Variants in MYO5C observed in about 807,000 individuals in gnomAD.
MYO5C encodes the protein unconventional myosin-Vc.
In MYO5C, 194 loss-of-function variants were observed where a neutral mutation model predicts 235.7. That is an observed-to-expected ratio of 0.82 (90% CI 0.73 to 0.93). The LOEUF is 0.93. Ranked by LOEUF, MYO5C falls within the 40% of genes least tolerant of loss-of-function variation. MYO5C has a pLI of 0.00. For missense variants in MYO5C, 2,038 were observed against 2,127.2 expected (o/e 0.96, Z 0.82); for synonymous variants, 707 against 754.8 (o/e 0.94, Z 1.04).
At position 52,237,605 on chromosome 15, in the gene MYO5C, C is replaced by G. The variant is rs1345583889; in HGVS notation, c.2745G>C (p.Leu915=). Residue 915 remains leucine, a synonymous_variant, in exon 22 of 41, where the codon CTG becomes CTC. Coordinates refer to ENST00000261839, the MANE Select transcript of MYO5C (RefSeq NM_018728.4). ...NHGLVEKLTS[L]AALRAGDVEK... ...CCACATCCCCAGCTCGAAGAGCAGC[C>G]AGGCTAGTCAGCTTCTCCACCAGCC... 2 of 1,614,026 alleles carry G rather than the reference C, an allele frequency of 1.2e-6. No individual in the cohort carries two copies. The highest frequency in any genetic ancestry group is 2.2e-5 in the East Asian group (1 of 44,890).
chr15:52,233,032 C>CT (rs1196455832), intron 23 of MYO5C, among the ~76,000 whole-genome samples: 1 of 13,694 alleles, frequency 7.3e-5, no homozygotes, highest in Non-Finnish European at 3.6e-3. Context: ...GTAATCCCAG[C>CT]ACTTTGGGAG....
In MYO5C at chr15:52,269,857, C is replaced by T. The variant is rs752692442; in HGVS notation, c.836G>A (p.Ser279Asn). ...QSEFKHLKLG[S>N]AEEFNYTRMG... is the part of the protein sequence containing the mutation. The stretch of plus-strand genomic sequence containing the variant: ...TCTTGTATAATTAAATTCTTCGGCA[C>T]TCCCTGAAATCAAAAAGTAAGATTT... The change falls in exon 8 of 41, where the codon AGT (serine) becomes AAT (asparagine). Residue 279 changes from serine to asparagine, a missense_variant. Physicochemically the swap from Ser to Asn is conservative, Grantham distance 46. Coordinates refer to ENST00000261839, the MANE Select transcript of MYO5C (RefSeq NM_018728.4). 1.4e-5 allele frequency: 23 copies of T among 1,605,860 alleles called. No homozygotes were observed. The Middle Eastern group carries it at 5.0e-4, about 35-fold the overall frequency.
intron 25 of MYO5C, among the ~76,000 whole-genome samples, chr15:52,227,398 C>T (rs931009254): frequency 1.3e-5 from 2 of 150,484 alleles, no homozygotes; most frequent in African/African-American, 4.9e-5. Flanking sequence ...GGGGTTTCAC[C>T]GTGTTAACTA....
At chr15:52,243,314 G>T (rs1249918382) in intron 19 of MYO5C, 1 of 152,616 alleles carries the variant, frequency 6.6e-6, no homozygotes, top group East Asian at 1.9e-4. Flanking sequence ...AGCCTAAACT[G>T]GGGGCAGGAG....
At chr15:52,253,264 G>T in intron 12 of MYO5C, 53 bp downstream of exon 12, 1 of 1,545,294 alleles carries the variant, frequency 6.5e-7, no homozygotes, top group Non-Finnish European at 8.8e-7. Context: ...TTTGCAAAAT[G>T]CTCATCTGTT....
At position 52,205,894 on chromosome 15, in the gene MYO5C, G is replaced by C; in HGVS notation, c.4459C>G (p.Gln1487Glu). The C allele has an allele frequency of 6.3e-7, 1 of 1,597,372 alleles. No individual in the cohort carries two copies. Among genetic ancestry groups the C allele is most frequent in the Non-Finnish European group, 8.6e-7 (1 of 1,169,358 alleles). Residue 1487 changes from glutamine to glutamate, a missense_variant, in exon 37 of 41, where the codon CAG becomes GAG. Coordinates refer to ENST00000261839, the MANE Select transcript of MYO5C (RefSeq NM_018728.4). ...LNNFDLSEYR[Q>E]ILSDVAIRIY... ...CGTATAGCCACATCACTGAGAATCT[G>C]TCTGTATTCTGAAAGGTCAAAATTG...
intron 9 of MYO5C, among the ~76,000 whole-genome samples, chr15:52,263,589 T>A (rs1196774880): frequency 6.6e-6 from 1 of 152,152 alleles, no homozygotes; most frequent in Non-Finnish European, 1.5e-5. Flanking sequence ...ACCCTCTGGA[T>A]ACATGGACCT....
Position 52,205,011 on chromosome 15 carries a change from A to C in MYO5C, c.4674T>G (p.Phe1558Leu). Reference protein sequence around the residue: ...MTSVLQQLSYFYTTMCQNGLD... With the variant: ...MTSVLQQLSYLYTTMCQNGLD... ...GGCCGTTCTGGCACATGGTGGTGTA[A>C]AAGTAGCTCAGCTGTTGCAGGACGG... The change falls in exon 38 of 41, where the codon TTT becomes TTG. Residue 1558 changes from phenylalanine to leucine, a missense_variant. Transcript: ENST00000261839. 1 of 1,614,174 alleles carries C rather than the reference A, an allele frequency of 6.2e-7. No individual in the cohort carries two copies. Among genetic ancestry groups the C allele is most frequent in the Non-Finnish European group, 8.5e-7 (1 of 1,180,030 alleles).
intron 12 of MYO5C, 28 bp from the exon 13 acceptor site, chr15:52,251,543 A>G: frequency 6.4e-7 from 1 of 1,572,652 alleles, no homozygotes; most frequent in Non-Finnish European, 8.6e-7. Context: ...ACCAAATAGC[A>G]AGTAAGAAAA....
chr15:52,258,611 G>A (rs1339973788), intron 10 of MYO5C, among the ~76,000 whole-genome samples: 1 of 152,194 alleles, frequency 6.6e-6, no homozygotes, highest in African/African-American at 2.4e-5. Flanking sequence ...AAAAGTTGCA[G>A]GTATGCCTAG....
At chr15:52,289,079 T>C (rs1028672314) in intron 1 of MYO5C, among the ~76,000 whole-genome samples, 1 of 151,818 alleles carries the variant, frequency 6.6e-6, no homozygotes, top group African/African-American at 2.4e-5. Flanking sequence ...GGACTGGGAG[T>C]GTCCACACTC....
rs1334829403 is a variant in MYO5C, at chr15:52,247,575, G to T, written c.1764C>A (p.Asn588Lys). 3 of 1,614,180 alleles carry T rather than the reference G, an allele frequency of 1.9e-6. No homozygotes were observed. In the East Asian group the frequency reaches 6.7e-5, roughly 36 times the overall value. Residue 588 changes from asparagine (N) to lysine (K), a missense_variant, in exon 15 of 41, where the codon AAC (asparagine) becomes AAA (lysine). Asn to Lys is a moderately conservative substitution (Grantham distance 94). Transcript: ENST00000261839. ...LRASKFHLCANFFQENPTPPS... is the reference protein window; with the variant it reads ...LRASKFHLCAKFFQENPTPPS... Reference sequence around the variant, plus strand: ...GAGGAGTTGGATTTTCTTGAAAAAAGTTGGCACAGAGATGAAACTGGAAGG... The same window carrying T: ...GAGGAGTTGGATTTTCTTGAAAAAATTTGGCACAGAGATGAAACTGGAAGG...
rs922596773 is a variant in MYO5C at position 52,225,355 on chromosome 15, CA to C, written c.3301+83del. ...ACCATATGTCCAACCAAATTCATAC[CA>C]AAGGACACGTTTCCTTAGCAGCGAC... is the stretch of plus-strand genomic sequence containing the variant. On this transcript the variant is annotated intron_variant, in intron 26 of 40. Transcript: ENST00000261839. 1.1e-5 allele frequency: 14 copies of C among 1,242,818 alleles called. No homozygotes were observed. The African/African-American group carries it at 1.5e-4, about 13-fold the overall frequency. 77.0% of individuals were successfully genotyped at this position (1,242,818 alleles called of 1,614,324 possible).
intron 10 of MYO5C, among the ~76,000 whole-genome samples, chr15:52,257,099 T>C (rs914545983): frequency 6.6e-6 from 1 of 152,242 alleles, no homozygotes; most frequent in Non-Finnish European, 1.5e-5. Flanking sequence ...TGTCAGAACT[T>C]AGCTGCGAAG....
At chr15:52,240,560 A>AC (rs1305477799) in intron 20 of MYO5C, among the ~76,000 whole-genome samples, 4 of 148,974 alleles carry the variant, frequency 2.7e-5, no homozygotes, top group Non-Finnish European at 5.9e-5. Context: ...AAAAGAAGAA[A>AC]AAAGAAAAAA....
intron 25 of MYO5C, among the ~76,000 whole-genome samples, chr15:52,225,746 A>G (rs980814862): frequency 6.6e-6 from 1 of 152,124 alleles, no homozygotes; most frequent in African/African-American, 2.4e-5. Context: ...AATGGGTTGT[A>G]TCAGTAGAAT....
intron 37 of MYO5C, 182 bp from the exon 38 acceptor site, chr15:52,205,329 A>G: frequency 1.5e-6 from 1 of 670,180 alleles, no homozygotes; most frequent in Non-Finnish European, 2.5e-6. Flanking sequence ...AGGGTTAGGG[A>G]TGGACGGCTG....
At chr15:52,203,450 A>G (rs1163591706) in intron 38 of MYO5C, among the ~76,000 whole-genome samples, 2 of 152,108 alleles carry the variant, frequency 1.3e-5, no homozygotes, top group African/African-American at 4.8e-5. Context: ...GGTTCAAGCG[A>G]TTCTCCTGCC....
chr15:52,262,560 C>G (rs897155926), intron 9 of MYO5C, among the ~76,000 whole-genome samples: 2 of 152,232 alleles, frequency 1.3e-5, no homozygotes, highest in African/African-American at 4.8e-5. Flanking sequence ...TCTCTCCCTG[C>G]TTTCCCACTT....
Sources: allele counts gnomAD v4.1 joint callset (sites outside exome capture counted in the v4.1 genomes callset), GRCh38; gene constraint gnomAD v4.1.1; transcripts MANE v1.5; gene names NCBI Gene and HGNC (gene_info 2026-07-23, HGNC 2026-07-21).